The following CCDC126 variants were observed in gnomAD, a reference collection of about 807,000 sequenced individuals.
CCDC126 encodes the protein coiled-coil domain containing 126, also known as coiled-coil domain-containing protein 126.
Under a neutral mutation model 11.7 loss-of-function variants are expected in CCDC126, and 5 were observed. The observed-to-expected ratio is 0.43, with a 90% confidence interval of 0.22 to 0.90. The LOEUF (loss-of-function observed/expected upper bound fraction) is 0.90, where lower values mean the gene tolerates loss of function less well. Ranked by LOEUF, CCDC126 falls within the 40% of genes least tolerant of loss-of-function variation. The pLI is 0.27. For synonymous variants in CCDC126, 60 were observed against 61.9 expected (o/e 0.97, Z 0.14); for missense variants, 150 against 163.1 (o/e 0.92, Z 0.44).
At chr7:23,613,537 G>C (rs1158293368) in intron 3 of CCDC126, among the ~76,000 whole-genome samples, 1 of 152,038 alleles carries the variant, frequency 6.6e-6, no homozygotes, top group East Asian at 1.9e-4. Context: ...GGTGTTATCT[G>C]TTAACTTCTC....
At position 23,644,664 on chromosome 7, in the gene CCDC126, TG is replaced by T. The variant is rs1448079335; in HGVS notation, c.*1550del. On this transcript the variant is annotated 3_prime_UTR_variant, in exon 4 of 4. Coordinates refer to ENST00000307471, the MANE Select transcript of CCDC126 (RefSeq NM_138771.4). ...TATTAGATGTGGACATTTTTGTTTT[TG>T]TTTTTGTTTTCAGGGATGAAATAAA... 1 of 152,568 alleles carries T rather than the reference TG, an allele frequency of 6.6e-6. No individual in the cohort carries two copies. The highest frequency in any genetic ancestry group is 6.5e-5 in the Admixed American group (1 of 15,284). 9.5% of individuals were successfully genotyped at this position (152,568 alleles called of 1,614,324 possible).
intron 3 of CCDC126, among the ~76,000 whole-genome samples, chr7:23,624,327 T>C (rs1782976229): frequency 6.6e-6 from 1 of 152,216 alleles, no homozygotes. Flanking sequence ...CCCTTCATGA[T>C]GATTTTCCTG....
At chr7:23,606,609 C>CTTCAT (rs967691837) in intron 2 of CCDC126, among the ~76,000 whole-genome samples, 2 of 152,208 alleles carry the variant, frequency 1.3e-5, no homozygotes, top group Non-Finnish European at 2.9e-5. Context: ...TTTACTGATA[C>CTTCAT]TTCATTTTAA....
intron 2 of CCDC126, 95 bp downstream of exon 2, chr7:23,598,146 C>G (rs946572405): frequency 1.3e-5 from 2 of 152,270 alleles, no homozygotes; most frequent in Non-Finnish European, 2.9e-5. Flanking sequence ...CTGGGTTTCT[C>G]TCACTGCCTG....
intron 3 of CCDC126, among the ~76,000 whole-genome samples, chr7:23,637,734 C>T (rs1783260601): frequency 1.9e-5 from 1 of 51,862 alleles, no homozygotes; most frequent in African/African-American, 7.1e-5. Flanking sequence ...CCCGGCCAGC[C>T]GCCCCGTCCG....
intron 3 of CCDC126, among the ~76,000 whole-genome samples, chr7:23,641,870 A>G (rs1308907614): frequency 1.3e-5 from 2 of 152,188 alleles, no homozygotes; most frequent in African/African-American, 4.8e-5. Context: ...CTAGTGTCCT[A>G]CTGCACTGAA....
At chr7:23,599,569 C>A (rs1174675997) in intron 2 of CCDC126, among the ~76,000 whole-genome samples, 1 of 151,626 alleles carries the variant, frequency 6.6e-6, no homozygotes, top group Non-Finnish European at 1.5e-5. Flanking sequence ...GTGGTGCTGG[C>A]TCACTGCAAC....
chr7:23,610,914 C>T (rs1346952972), intron 2 of CCDC126, among the ~76,000 whole-genome samples: 1 of 151,822 alleles, frequency 6.6e-6, no homozygotes, highest in African/African-American at 2.4e-5. Flanking sequence ...AAATGAGAAA[C>T]AATTTGAAGA....
At position 23,643,665 on chromosome 7, in the gene CCDC126, T is replaced by C. The variant is rs1256450690; in HGVS notation, c.*550T>C. On this transcript the variant is annotated 3_prime_UTR_variant, in exon 4 of 4. Transcript: ENST00000307471. ...TTGAAATCATGACCCAAAGAATGTA[T>C]TGATTTGCACTATCCTTCAGAATAA... 1.3e-5 allele frequency: 2 copies of C among 152,664 alleles called. No individual in the cohort carries two copies. The highest frequency in any genetic ancestry group is 4.8e-5 in the African/African-American group (2 of 41,464). 9.5% of individuals were successfully genotyped at this position (152,664 alleles called of 1,614,324 possible).
At chr7:23,608,729 G>T (rs1434058678) in intron 2 of CCDC126, among the ~76,000 whole-genome samples, 1 of 152,136 alleles carries the variant, frequency 6.6e-6, no homozygotes, top group Admixed American at 6.5e-5. Flanking sequence ...GGTTCTCCTT[G>T]CCCGATGCCT....
intron 3 of CCDC126, among the ~76,000 whole-genome samples, chr7:23,639,112 C>T (rs1251877843): frequency 6.6e-6 from 1 of 151,414 alleles, no homozygotes; most frequent in East Asian, 1.9e-4. Context: ...TTCAACTCTA[C>T]AGAAAAAATT....
chr7:23,622,032 C>G (rs1782913453), intron 3 of CCDC126, among the ~76,000 whole-genome samples: 1 of 152,108 alleles, frequency 6.6e-6, no homozygotes, highest in Admixed American at 6.5e-5. Flanking sequence ...GGATATTGGT[C>G]TAAAATTCTC....
intron 3 of CCDC126, among the ~76,000 whole-genome samples, chr7:23,632,891 G>A (rs957585545): frequency 6.6e-6 from 1 of 152,168 alleles, no homozygotes; most frequent in African/African-American, 2.4e-5. Flanking sequence ...CCATTATATA[G>A]CATTTCTTAG....
chr7:23,611,959 C>T (rs143086264), intron 3 of CCDC126, among the ~76,000 whole-genome samples: 110 of 152,074 alleles, frequency 7.2e-4, no homozygotes, highest in African/African-American at 2.3e-3. Flanking sequence ...CTGGCTAACA[C>T]GGTAAAACCC....
At position 23,605,107 on chromosome 7, in the gene CCDC126, G is replaced by A. The variant is rs116818356; in HGVS notation, c.-145-6064G>A. On this transcript the variant is annotated intron_variant, in intron 2 of 3. Coordinates refer to ENST00000307471, the MANE Select transcript of CCDC126 (RefSeq NM_138771.4). ...TTTGAAGCGATGACATTTGAACTAA[G>A]TACTAAAGGATGAAAAGGAACAGGT... Among the ~76,000 whole-genome samples, 814 of 152,220 alleles carry A rather than the reference G, an allele frequency of 5.3e-3. 11 individuals are homozygous for A. Among genetic ancestry groups the A allele is most frequent in the African/African-American group, 0.019 (772 of 41,540 alleles).
chr7:23,634,478 C>G (rs772349820), intron 3 of CCDC126, among the ~76,000 whole-genome samples: 8 of 152,214 alleles, frequency 5.3e-5, no homozygotes, highest in Non-Finnish European at 1.2e-4. Flanking sequence ...AACAAACAAA[C>G]AAACAAAACA....
At chr7:23,620,186 A>T (rs1373118479) in intron 3 of CCDC126, among the ~76,000 whole-genome samples, 1 of 152,210 alleles carries the variant, frequency 6.6e-6, no homozygotes, top group African/African-American at 2.4e-5. Flanking sequence ...GAACTAGTTT[A>T]CAGTCCCACC....
intron 2 of CCDC126, among the ~76,000 whole-genome samples, chr7:23,601,083 G>A (rs1011402137): frequency 9.9e-5 from 15 of 151,432 alleles, no homozygotes; most frequent in African/African-American, 2.2e-4. Flanking sequence ...CTCCATACAC[G>A]TGTAACTGTG....
At chr7:23,630,971 CA>C (rs1392372246) in intron 3 of CCDC126, among the ~76,000 whole-genome samples, 1 of 151,628 alleles carries the variant, frequency 6.6e-6, no homozygotes, top group East Asian at 1.9e-4. Flanking sequence ...AATGAAAATG[CA>C]ACATAAAAAA....
Sources: gnomAD v4.1 joint callset for allele counts (sites outside exome capture counted in the v4.1 genomes callset) on GRCh38, gnomAD v4.1.1 for gene constraint, MANE v1.5 for transcripts, NCBI Gene and HGNC (gene_info 2026-07-23, HGNC 2026-07-21) for gene names.